The following THBS1 variants were observed in gnomAD, a reference collection of about 807,000 sequenced individuals.
THBS1 encodes thrombospondin-1.
A neutral mutation model predicts 126.1 loss-of-function variants in THBS1; 29 were observed. The observed-to-expected ratio is 0.23, with a 90% CI of 0.17 to 0.31. THBS1 has a LOEUF of 0.31. Among genes scored for constraint, THBS1 ranks in the 10% least tolerant of loss-of-function variants. The pLI is 1.00. For missense variants in THBS1, 1,198 were observed against 1,545.2 expected (o/e 0.78, Z 3.77); for synonymous variants, 496 against 577.8 (o/e 0.86, Z 2.03).
Position 39,592,457 on chromosome 15 carries a change from C to CCACT in THBS1, c.2533-110_2533-107dup. 2 of 800,292 alleles carry CCACT rather than the reference C, an allele frequency of 2.5e-6. No homozygotes were observed. Among genetic ancestry groups the CCACT allele is most frequent in the Non-Finnish European group, 4.0e-6 (2 of 500,214 alleles). The allele number at this position is 800,292 out of a possible 1,614,324, so 49.6% of individuals were successfully genotyped here. A position where few individuals can be genotyped will look rare whatever the true frequency, so the allele number is the denominator to read the frequency against. On this transcript the variant is annotated intron_variant, in intron 16 of 21. Transcript: ENST00000260356. The surrounding 1 kb of genome is among the most constrained non-coding windows in gnomAD (Gnocchi z 4.3). ...GGAGTGTGTAAATAGACATGACACC[C>CCACT]CACTGGCTGTATCAAACAATGGAGA...
rs1167169946 is a variant in THBS1, at chr15:39,595,924, C to G, written c.*555C>G. On this transcript the variant is annotated 3_prime_UTR_variant, in exon 22 of 22. Transcript: ENST00000260356. The stretch of plus-strand genomic sequence containing the variant: ...AAGTCATTTTCAGGGGATTGAAAGA[C>G]TATTGCTGGATTTCATGATGCTGAC... The G allele has an allele frequency of 4.4e-6, 2 of 450,000 alleles. No individual in the cohort carries two copies. The highest frequency in any genetic ancestry group is 3.1e-5 in the South Asian group (2 of 64,124). 27.9% of individuals were successfully genotyped at this position (450,000 alleles called of 1,614,324 possible). A position where few individuals can be genotyped will look rare whatever the true frequency, so the allele number is the denominator to read the frequency against.
chr15:39,582,790 T>C lies in THBS1; in HGVS notation c.627+38T>C, dbSNP rs561539247. ...CTCTGAGCCCTGCTCCGTGGGATCA[T>C]CTGCTAGACAGGTGACCTGCCAGGA... On this transcript the variant is annotated intron_variant, in intron 3 of 21. Transcript: ENST00000260356. 2.6e-6 allele frequency: 4 copies of C among 1,557,962 alleles called. No individual in the cohort carries two copies. The African/African-American group carries it at 5.4e-5, about 21-fold the overall frequency.
Position 39,594,060 on chromosome 15 carries a change from G to T in THBS1, c.3268-39G>T, listed in dbSNP as rs1454985235. 1.3e-6 allele frequency: 2 copies of T among 1,574,712 alleles called. No homozygotes were observed. Among genetic ancestry groups the T allele is most frequent in the Admixed American group, 1.8e-5 (1 of 56,914 alleles). On this transcript the variant is annotated intron_variant, in intron 19 of 21. Transcript: ENST00000260356. The surrounding 1 kb of genome is among the most constrained non-coding windows in gnomAD (Gnocchi z 4.4). ...AATGAAATAGAAATCTTTACCTGAA[G>T]GAGCTGTGTTTCAACCTTTCCTTTT... is the stretch of plus-strand genomic sequence containing the variant.
intron 4 of THBS1, 48 bp downstream of exon 4, chr15:39,583,740 C>A: frequency 6.4e-7 from 1 of 1,570,180 alleles, no homozygotes; most frequent in Non-Finnish European, 8.7e-7. Context: ...AGGGGGAATT[C>A]CACCAAAAAC....
chr15:39,588,200 A>C lies in THBS1; in HGVS notation c.1453A>C (p.Lys485Gln). 6.2e-7 allele frequency: 1 copy of C among 1,613,888 alleles called. No homozygotes were observed. Among genetic ancestry groups the C allele is most frequent in the Admixed American group, 1.7e-5 (1 of 60,022 alleles). ...CGAAGCGCGGGAGACCAAAGCCTGC[A>C]AGAAAGACGCCTGCCCCAGTAAGTG... Reference protein sequence around the residue: ...EGEARETKACKKDACPINGGW... With the variant: ...EGEARETKACQKDACPINGGW... Residue 485 changes from lysine to glutamine, a missense_variant, in exon 9 of 22, where the codon AAG (lysine) becomes CAG (glutamine). Around this residue, in one of 4 missense-constraint regions of THBS1, gnomAD observed 663 missense variants for 860.1 expected, o/e 0.77. Coordinates refer to ENST00000260356, the MANE Select transcript of THBS1 (RefSeq NM_003246.4).
In THBS1 at chr15:39,592,171, G is replaced by C. The variant is rs553872161; in HGVS notation, c.2533-397G>C. Among the ~76,000 whole-genome samples, 1 of 152,248 alleles carries C rather than the reference G, an allele frequency of 6.6e-6. No homozygotes were observed. Among genetic ancestry groups the C allele is most frequent in the East Asian group, 1.9e-4 (1 of 5,174 alleles). On this transcript the variant is annotated intron_variant, in intron 16 of 21. Coordinates refer to ENST00000260356, the MANE Select transcript of THBS1 (RefSeq NM_003246.4). This position sits in a 1 kb window ranked among gnomAD's most constrained non-coding sequence, Gnocchi z 4.3. The stretch of plus-strand genomic sequence containing the variant: ...TTCAGGACTTTTCAGAGAAGTCGAC[G>C]TGTCAACAGTTTTACAACTGAAACC...
rs1284613229 is a variant in THBS1 at position 39,594,530 on chromosome 15, G to A, written c.3505+90G>A. 6.6e-7 allele frequency: 1 copy of A among 1,515,886 alleles called. No individual in the cohort carries two copies. The allele number at this position is 1,515,886 out of a possible 1,614,324, so 93.9% of individuals were successfully genotyped here. ...CGGTTATGGGGGAGTCCAGTGTAAAGACTGTTTTGGAGACAGGGTTATTTC... is the reference window on the plus strand; with the variant it reads ...CGGTTATGGGGGAGTCCAGTGTAAAAACTGTTTTGGAGACAGGGTTATTTC... On this transcript the variant is annotated intron_variant, in intron 21 of 21. Coordinates refer to ENST00000260356, the MANE Select transcript of THBS1 (RefSeq NM_003246.4). This position sits in a 1 kb window ranked among gnomAD's most constrained non-coding sequence, Gnocchi z 4.4.
rs1466831149 is a variant in THBS1 at position 39,582,736 on chromosome 15, T to C, written c.611T>C (p.Val204Ala). ...AGACTCCGCATCGCAAAGGGGGGCG[T>C]CAATGACAATTTCCAGGTGAGGCTT... ...IARLRIAKGG[V>A]NDNFQGVLQN... The change falls in exon 3 of 22, where the codon GTC (valine) becomes GCC (alanine). Residue 204 changes from valine (V) to alanine (A), a missense_variant. Around this residue, in one of 4 missense-constraint regions of THBS1, gnomAD observed 271 missense variants for 277.0 expected, o/e 0.98. Transcript: ENST00000260356. 6.2e-7 allele frequency: 1 copy of C among 1,609,374 alleles called. No individual in the cohort carries two copies. The highest frequency in any genetic ancestry group is 8.5e-7 in the Non-Finnish European group (1 of 1,178,110).
Position 39,595,382 on chromosome 15 carries a change from TG to T in THBS1, c.*14del, listed in dbSNP as rs762261945. 8 of 1,493,236 alleles carry T rather than the reference TG, an allele frequency of 5.4e-6. No homozygotes were observed. In the South Asian group the frequency reaches 1.2e-4, roughly 22 times the overall value. 92.5% of individuals were successfully genotyped at this position (1,493,236 alleles called of 1,614,324 possible). A position where few individuals can be genotyped will look rare whatever the true frequency, so the allele number is the denominator to read the frequency against. On this transcript the variant is annotated 3_prime_UTR_variant, in exon 22 of 22. Coordinates refer to ENST00000260356, the MANE Select transcript of THBS1 (RefSeq NM_003246.4). ...AACAGATCCCTAATCATCAAATTGT[TG>T]ATTGAAAGACTGATCATAAACCAAT...
In THBS1 at chr15:39,591,343, T is replaced by C; in HGVS notation, c.2406T>C (p.Asp802=). 3 of 1,613,698 alleles carry C rather than the reference T, an allele frequency of 1.9e-6. No individual in the cohort carries two copies. The highest frequency in any genetic ancestry group is 2.5e-6 in the Non-Finnish European group (3 of 1,179,790). ...GEGDACAADI[D]GDGILNERDN... Reference sequence around the variant, plus strand: ...GAGACGCCTGTGCTGCAGACATTGATGGAGACGGTAAGGTGCTGCCTGATC... The same window carrying C: ...GAGACGCCTGTGCTGCAGACATTGACGGAGACGGTAAGGTGCTGCCTGATC... Residue 802 remains aspartate, a synonymous_variant, in exon 15 of 22, where the codon GAT becomes GAC. Coordinates refer to ENST00000260356, the MANE Select transcript of THBS1 (RefSeq NM_003246.4).
At chr15:39,591,017 T>C (rs1310120143) in intron 14 of THBS1, 174 bp from the exon 15 acceptor site, 4 of 699,062 alleles carry the variant, frequency 5.7e-6, no homozygotes, top group Non-Finnish European at 9.2e-6. Flanking sequence ...TTTTTTTAAC[T>C]ATGTCCTTTT....
intron 1 of THBS1, among the ~76,000 whole-genome samples, chr15:39,581,442 AC>A (rs1890100548): frequency 6.6e-6 from 1 of 151,978 alleles, no homozygotes; most frequent in African/African-American, 2.4e-5. Flanking sequence ...TCATCAGGAC[AC>A]CCCAAGATTT....
At chr15:39,590,862 A>G (rs1315192044) in intron 14 of THBS1, 2 of 542,754 alleles carry the variant, frequency 3.7e-6, no homozygotes, top group Non-Finnish European at 6.4e-6. Flanking sequence ...AGAAATTATA[A>G]TGCATAAACA....
At position 39,582,424 on chromosome 15, in the gene THBS1, C is replaced by G. The variant is rs1890128359; in HGVS notation, c.299C>G (p.Thr100Ser). 1.2e-6 allele frequency: 2 copies of G among 1,613,956 alleles called. No individual in the cohort carries two copies. The highest frequency in any genetic ancestry group is 1.1e-5 in the South Asian group (1 of 91,070). ...GCATCCCTGAGGCAGATGAAGAAGA[C>G]CCGGGGCACGCTGCTGGCCCTGGAG... Reference protein sequence around the residue: ...LLASLRQMKKTRGTLLALERK... With the variant: ...LLASLRQMKKSRGTLLALERK... Residue 100 changes from threonine to serine, a missense_variant, in exon 3 of 22, where the codon ACC becomes AGC. By Grantham distance (58) the Thr-to-Ser change is moderately conservative (BLOSUM62 1). Transcript: ENST00000260356.
chr15:39,582,529 A>G lies in THBS1; in HGVS notation c.404A>G (p.Gln135Arg). ...AGTLDLSLTV[Q>R]GKQHVVSVEE... ...ACCCTGGACCTCAGCCTGACCGTCC[A>G]AGGAAAGCAGCACGTGGTGTCTGTG... Residue 135 changes from glutamine (Q) to arginine (R), a missense_variant, in exon 3 of 22, where the codon CAA becomes CGA. Coordinates refer to ENST00000260356, the MANE Select transcript of THBS1 (RefSeq NM_003246.4). 6.2e-7 allele frequency: 1 copy of G among 1,614,170 alleles called. No individual in the cohort carries two copies. Among genetic ancestry groups the G allele is most frequent in the Non-Finnish European group, 8.5e-7 (1 of 1,180,020 alleles).
At position 39,593,699 on chromosome 15, in the gene THBS1, A is replaced by C. The variant is rs1890375709; in HGVS notation, c.3267+31A>C. 2 of 1,606,482 alleles carry C rather than the reference A, an allele frequency of 1.2e-6. No homozygotes were observed. ...AAGCAAAGCCCTGGAACAGAGAGAG[A>C]GCTTATGGGTGCCTGACTAGCACTG... On this transcript the variant is annotated intron_variant, in intron 19 of 21. Coordinates refer to ENST00000260356, the MANE Select transcript of THBS1 (RefSeq NM_003246.4). The surrounding 1 kb of genome is among the most constrained non-coding windows in gnomAD (Gnocchi z 5.9).
rs1484090706 is a variant in THBS1 at position 39,594,659 on chromosome 15, C to T, written c.3505+219C>T. Among the ~76,000 whole-genome samples the T allele has an allele frequency of 6.6e-6, 1 of 152,222 alleles. No individual in the cohort carries two copies. The highest frequency in any genetic ancestry group is 1.5e-5 in the Non-Finnish European group (1 of 68,040). ...CTATAATATTAGTTTGCTTAGCAAT[C>T]TCTGTGCTCCTCATACACAGTGCAA... On this transcript the variant is annotated intron_variant, in intron 21 of 21. Coordinates refer to ENST00000260356, the MANE Select transcript of THBS1 (RefSeq NM_003246.4). The surrounding 1 kb of genome is among the most constrained non-coding windows in gnomAD (Gnocchi z 4.4).
At position 39,591,567 on chromosome 15, in the gene THBS1, A is replaced by G; in HGVS notation, c.2476A>G (p.Met826Val). The G allele has an allele frequency of 1.9e-6, 3 of 1,614,206 alleles. No individual in the cohort carries two copies. The highest frequency in any genetic ancestry group is 2.5e-6 in the Non-Finnish European group (3 of 1,180,032). Residue 826 changes from methionine to valine, a missense_variant, in exon 16 of 22, where the codon ATG becomes GTG. Coordinates refer to ENST00000260356, the MANE Select transcript of THBS1 (RefSeq NM_003246.4). ...CAATGTGGACCAGAGAGACACTGAT[A>G]TGGATGGGGTTGGAGATCAGTGTGA... ...VYNVDQRDTD[M>V]DGVGDQCDNC...
chr15:39,586,061 G>A (rs7178937), intron 7 of THBS1, among the ~76,000 whole-genome samples: 2,740 of 152,278 alleles, frequency 0.018, 89 homozygotes, highest in African/African-American at 0.062. Context: ...AATAAGGCAC[G>A]ATATCGTTCC....
Sources: allele counts gnomAD v4.1 joint callset (sites outside exome capture counted in the v4.1 genomes callset), GRCh38; gene constraint gnomAD v4.1.1; regional missense constraint gnomAD v4.1.1; non-coding constraint Gnocchi (gnomAD v3.1); transcripts MANE v1.5; gene names NCBI Gene and HGNC (gene_info 2026-07-23, HGNC 2026-07-21).